The following RPRD1B variants were observed in gnomAD, a reference collection of about 807,000 sequenced individuals.
RPRD1B encodes the protein regulation of nuclear pre-mRNA domain-containing protein 1B.
RPRD1B carries 11 observed loss-of-function variants against 41.5 expected under a neutral mutation model. That is an observed-to-expected ratio of 0.27 (90% CI 0.17 to 0.44). The LOEUF (loss-of-function observed/expected upper bound fraction) is 0.44. Ranked by LOEUF, RPRD1B falls within the 20% of genes least tolerant of loss-of-function variation. RPRD1B has a pLI of 1.00. For missense variants in RPRD1B, 248 were observed against 389.9 expected, an observed-to-expected ratio of 0.64 and a Z score of 3.06; for synonymous variants, 158 against 155.6, an observed-to-expected ratio of 1.02 and a Z score of -0.12.
intron 2 of RPRD1B, among the ~76,000 whole-genome samples, chr20:38,041,217 T>A (rs1453835675): frequency 6.6e-6 from 1 of 152,218 alleles, no homozygotes; most frequent in African/African-American, 2.4e-5. Context: ...TTAAATTAGG[T>A]GCCCAGGAAA....
At position 38,053,536 on chromosome 20, in the gene RPRD1B, T is replaced by C. The variant is rs561083254; in HGVS notation, c.416-3996T>C. On this transcript the variant is annotated intron_variant, in intron 3 of 6. Coordinates refer to ENST00000373433, the MANE Select transcript of RPRD1B (RefSeq NM_021215.4). ...TGGCCAGAGTAGCAAGGCCAGGTGC[T>C]TTAAGAGAGGCCCGAGTGCCGTGGG... Among the ~76,000 whole-genome samples the C allele has an allele frequency of 6.6e-5, 10 of 152,294 alleles. No individual in the cohort carries two copies. In the East Asian group the frequency reaches 1.2e-3, roughly 18 times the overall value.
chr20:38,068,902 A>G (rs1309614229), intron 6 of RPRD1B, among the ~76,000 whole-genome samples: 2 of 152,170 alleles, frequency 1.3e-5, no homozygotes, highest in Non-Finnish European at 1.5e-5. Flanking sequence ...CATAAAGTTT[A>G]CCCACTTTTT....
intron 1 of RPRD1B, 85 bp from the exon 2 acceptor site, chr20:38,040,350 T>G (rs1273167937): frequency 1.7e-6 from 2 of 1,167,738 alleles, no homozygotes; most frequent in African/African-American, 3.2e-5. Context: ...TCTTAATGTT[T>G]TTTTAGGAGC....
At chr20:38,040,653 T>C (rs2074056769) in intron 2 of RPRD1B, 89 bp downstream of exon 2, 1 of 1,399,590 alleles carries the variant, frequency 7.1e-7, no homozygotes, top group South Asian at 1.4e-5. Flanking sequence ...CCTTTGTAAA[T>C]TGACAACTTC....
In RPRD1B at chr20:38,092,121, G is replaced by C; in HGVS notation, c.*2246G>C. 1 of 985,514 alleles carries C rather than the reference G, an allele frequency of 1.0e-6. No homozygotes were observed. The highest frequency in any genetic ancestry group is 1.2e-6 in the Non-Finnish European group (1 of 829,866). 61.0% of individuals were successfully genotyped at this position (985,514 alleles called of 1,614,324 possible). A position where few individuals can be genotyped will look rare whatever the true frequency, so the allele number is the denominator to read the frequency against. ...TGGGGTGGGTGGTTTTTGTTTTTGT[G>C]TTTTTTCTTTCTTAGGGCATCTGTA... On this transcript the variant is annotated 3_prime_UTR_variant, in exon 7 of 7. Coordinates refer to ENST00000373433, the MANE Select transcript of RPRD1B (RefSeq NM_021215.4).
chr20:38,077,868 C>A (rs1432642616), intron 6 of RPRD1B, among the ~76,000 whole-genome samples: 2 of 152,074 alleles, frequency 1.3e-5, no homozygotes, highest in African/African-American at 4.8e-5. Context: ...TCTCATTATT[C>A]CTAGTTCTTC....
intron 6 of RPRD1B, among the ~76,000 whole-genome samples, chr20:38,068,209 G>A (rs1052029749): frequency 6.6e-6 from 1 of 152,314 alleles, no homozygotes; most frequent in East Asian, 1.9e-4. Context: ...TCATTCAGTG[G>A]AATGGGGCTG....
chr20:38,060,801 C>T (rs924893737), intron 5 of RPRD1B, among the ~76,000 whole-genome samples: 3 of 152,184 alleles, frequency 2.0e-5, no homozygotes, highest in African/African-American at 7.2e-5. Flanking sequence ...CCACCTCTTC[C>T]TAGTCCTCGA....
chr20:38,059,512 A>C lies in RPRD1B; in HGVS notation c.647A>C (p.Lys216Thr). The part of the protein sequence containing the change: ...QEVQDVSLLE[K>T]ITDKEAAERL... The stretch of plus-strand genomic sequence containing the variant: ...GTGCAAGATGTTTCTCTATTGGAAA[A>C]AATAACAGGTGAGAAGGTAGAGTTT... The change falls in exon 5 of 7, where the codon AAA (lysine) becomes ACA (threonine). Residue 216 changes from lysine to threonine, a missense_variant. By Grantham distance (78) the Lys-to-Thr change is moderately conservative. This residue lies in a region of RPRD1B where 93 missense variants were observed against 167.2 expected (regional missense o/e 0.56). Coordinates refer to ENST00000373433, the MANE Select transcript of RPRD1B (RefSeq NM_021215.4). The C allele has an allele frequency of 6.2e-7, 1 of 1,613,928 alleles. No homozygotes were observed. Among genetic ancestry groups the C allele is most frequent in the Non-Finnish European group, 8.5e-7 (1 of 1,179,904 alleles).
intron 5 of RPRD1B, among the ~76,000 whole-genome samples, chr20:38,061,189 G>A (rs1166855626): frequency 6.6e-6 from 1 of 152,192 alleles, no homozygotes. Context: ...CAATTTAGTT[G>A]TGCTAAGTAT....
intron 1 of RPRD1B, among the ~76,000 whole-genome samples, chr20:38,037,941 C>T (rs2074020182): frequency 1.3e-5 from 2 of 151,444 alleles, no homozygotes; most frequent in African/African-American, 2.4e-5. Context: ...GTTTTGCTTT[C>T]GAATCTGCTA....
chr20:38,049,944 C>T, intron 3 of RPRD1B: 1 of 428,260 alleles, frequency 2.3e-6, no homozygotes, highest in South Asian at 1.7e-5. Flanking sequence ...TCTGGATGCT[C>T]TGTTGGCACT....
intron 3 of RPRD1B, among the ~76,000 whole-genome samples, chr20:38,049,377 T>C (rs1406640737): frequency 1.4e-5 from 2 of 140,692 alleles, no homozygotes; most frequent in African/African-American, 2.6e-5. Flanking sequence ...CTTTTTTTTT[T>C]TTTTTTTTTT....
chr20:38,070,604 G>T, intron 6 of RPRD1B: 10 of 985,450 alleles, frequency 1.0e-5, no homozygotes, highest in Non-Finnish European at 9.6e-6. Flanking sequence ...CGTGAATAAA[G>T]CATGATACAG....
chr20:38,059,899 T>G (rs2074280719), intron 5 of RPRD1B, among the ~76,000 whole-genome samples: 1 of 152,162 alleles, frequency 6.6e-6, no homozygotes. Context: ...CAGGGCTGTG[T>G]GATTTGTGCC....
At position 38,089,989 on chromosome 20, in the gene RPRD1B, A is replaced by G; in HGVS notation, c.*114A>G. 6.1e-6 allele frequency: 9 copies of G among 1,483,000 alleles called. No individual in the cohort carries two copies. The highest frequency in any genetic ancestry group is 8.0e-6 in the Non-Finnish European group (9 of 1,121,518). 91.9% of individuals were successfully genotyped at this position (1,483,000 alleles called of 1,614,324 possible). A position where few individuals can be genotyped will look rare whatever the true frequency, so the allele number is the denominator to read the frequency against. On this transcript the variant is annotated 3_prime_UTR_variant, in exon 7 of 7. Coordinates refer to ENST00000373433, the MANE Select transcript of RPRD1B (RefSeq NM_021215.4). ...TATCCCTTCTTCCGCCCAGCCCCCC[A>G]GCCTCAAGAAAGAACCTCAGACTCT...
chr20:38,046,216 A>T (rs1000570790), intron 2 of RPRD1B, among the ~76,000 whole-genome samples: 1 of 152,092 alleles, frequency 6.6e-6, no homozygotes, highest in African/African-American at 2.4e-5. Flanking sequence ...GGTCTGAGGG[A>T]TTGCTGAGTC....
At chr20:38,080,633 C>G (rs533328248) in intron 6 of RPRD1B, among the ~76,000 whole-genome samples, 1 of 152,212 alleles carries the variant, frequency 6.6e-6, no homozygotes, top group East Asian at 1.9e-4. Context: ...TTGAGCAGTT[C>G]TCCTGCCTCA....
intron 3 of RPRD1B, 84 bp downstream of exon 3, chr20:38,048,565 T>A: frequency 6.6e-7 from 1 of 1,509,556 alleles, no homozygotes; most frequent in East Asian, 2.3e-5. Flanking sequence ...GGGTTTGCTG[T>A]GAACCACCAG....
Sources: allele counts gnomAD v4.1 joint callset (sites outside exome capture counted in the v4.1 genomes callset), GRCh38; gene constraint gnomAD v4.1.1; regional missense constraint gnomAD v4.1.1; transcripts MANE v1.5; gene names NCBI Gene and HGNC (gene_info 2026-07-23, HGNC 2026-07-21).